ARID4B: variants seen among roughly 807,000 people sequenced by gnomAD.
ARID4B encodes AT-rich interactive domain-containing protein 4B.
A neutral mutation model predicts 147.5 loss-of-function variants in ARID4B; 26 were observed. The ratio of observed to expected loss-of-function variants is 0.18; its 90% confidence interval spans 0.13 to 0.24. The LOEUF is 0.24. Among genes scored for constraint, ARID4B ranks in the 10% least tolerant of loss-of-function variants. The pLI is 1.00. For missense variants in ARID4B, 1,179 were observed against 1,511.5 expected (o/e 0.78, Z 3.65); for synonymous variants, 512 against 507.9 (o/e 1.01, Z -0.11).
At chr1:235,286,628 A>G (rs1671992821) in intron 2 of ARID4B, among the ~76,000 whole-genome samples, 1 of 152,202 alleles carries the variant, frequency 6.6e-6, no homozygotes, top group Non-Finnish European at 1.5e-5. Flanking sequence ...GAGAAGAGCT[A>G]TAGTGCATGA....
intron 2 of ARID4B, among the ~76,000 whole-genome samples, chr1:235,286,633 G>C (rs1036662236): frequency 6.6e-6 from 1 of 152,164 alleles, no homozygotes; most frequent in Non-Finnish European, 1.5e-5. Context: ...GAGCTATAGT[G>C]CATGAGGAAA....
At chr1:235,315,838 CA>C (rs1377151444) in intron 2 of ARID4B, among the ~76,000 whole-genome samples, 1 of 151,970 alleles carries the variant, frequency 6.6e-6, no homozygotes, top group Non-Finnish European at 1.5e-5. Flanking sequence ...ATTGAATATG[CA>C]AAAGGTAAGA....
At chr1:235,316,826 CA>C (rs1447943844) in intron 2 of ARID4B, among the ~76,000 whole-genome samples, 1 of 151,658 alleles carries the variant, frequency 6.6e-6, no homozygotes, top group Non-Finnish European at 1.5e-5. Flanking sequence ...CTCAAACAAC[CA>C]AACAAAAAAA....
At chr1:235,191,503 G>A (rs1338113122) in intron 19 of ARID4B, among the ~76,000 whole-genome samples, 5 of 151,792 alleles carry the variant, frequency 3.3e-5, no homozygotes, top group African/African-American at 1.2e-4. Context: ...TAATCTGCCC[G>A]CCTTGGCCTC....
Position 235,170,642 on chromosome 1 carries a change from G to A in ARID4B, c.3811+1976C>T, listed in dbSNP as rs1322596138. 6.6e-5 allele frequency among the ~76,000 whole-genome samples: 10 copies of A among 152,182 alleles called. No individual in the cohort carries two copies. The East Asian group carries it at 1.9e-3, about 29-fold the overall frequency. The stretch of plus-strand genomic sequence containing the variant: ...AGTCCCAGCTACTAGAGAGGCTGAG[G>A]CAGGAGAATGGCGTGAACCCGGGAG... On this transcript the variant is annotated intron_variant, in intron 23 of 23. Coordinates refer to ENST00000264183, the MANE Select transcript of ARID4B (RefSeq NM_016374.6).
chr1:235,206,213 A>C (rs968826717), intron 17 of ARID4B, among the ~76,000 whole-genome samples: 8 of 152,220 alleles, frequency 5.3e-5, no homozygotes, highest in Non-Finnish European at 1.2e-4. Flanking sequence ...AATAGATATG[A>C]AACAGAAATT....
At chr1:235,312,226 C>A (rs1007888502) in intron 2 of ARID4B, among the ~76,000 whole-genome samples, 4 of 152,090 alleles carry the variant, frequency 2.6e-5, no homozygotes, top group African/African-American at 9.7e-5. Flanking sequence ...GCAGAGGTTG[C>A]AGTTAGCCAA....
chr1:235,323,103 C>T (rs1278592436), intron 2 of ARID4B, among the ~76,000 whole-genome samples: 4 of 150,614 alleles, frequency 2.7e-5, no homozygotes, highest in Non-Finnish European at 5.9e-5. Flanking sequence ...TGCAGTGGTG[C>T]CATCTCGACT....
intron 11 of ARID4B, among the ~76,000 whole-genome samples, chr1:235,225,837 G>T (rs374213950): frequency 6.6e-6 from 1 of 152,066 alleles, no homozygotes; most frequent in Non-Finnish European, 1.5e-5. Context: ...ACAAAGAAAG[G>T]TAATTTTTTT....
At chr1:235,323,904 T>C (rs1245978104) in intron 2 of ARID4B, among the ~76,000 whole-genome samples, 1 of 151,488 alleles carries the variant, frequency 6.6e-6, no homozygotes, top group African/African-American at 2.4e-5. Context: ...TTTATTTTAT[T>C]TAGTTTTTTT....
At position 235,213,826 on chromosome 1, in the gene ARID4B, G is replaced by C. The variant is rs755681504; in HGVS notation, c.1784C>G (p.Ser595Cys). The stretch of plus-strand genomic sequence containing the variant: ...AAGGACCTCTCCACCTTCGACATCA[G>C]AATCTTTAATACTAGCTTCATACAT... ...QKMYEASIKD[S>C]DVEGGEVLYL... Residue 595 changes from serine (S) to cysteine (C), a missense_variant, in exon 17 of 24, where the codon TCT (serine) becomes TGT (cysteine). Coordinates refer to ENST00000264183, the MANE Select transcript of ARID4B (RefSeq NM_016374.6). The C allele has an allele frequency of 1.9e-6, 3 of 1,613,894 alleles. No homozygotes were observed. The highest frequency in any genetic ancestry group is 3.3e-5 in the Admixed American group (2 of 59,982).
chr1:235,314,367 C>T (rs747442492), intron 2 of ARID4B, among the ~76,000 whole-genome samples: 2 of 152,124 alleles, frequency 1.3e-5, no homozygotes, highest in Non-Finnish European at 2.9e-5. Flanking sequence ...CACAACTTTA[C>T]AAGGTAGCTG....
chr1:235,175,435 G>A, intron 21 of ARID4B, 36 bp from the exon 22 acceptor site: 2 of 1,521,506 alleles, frequency 1.3e-6, no homozygotes, highest in South Asian at 1.2e-5. Context: ...AAACAAAAAT[G>A]TAACAATAAA....
chr1:235,310,455 A>G (rs894678032), intron 2 of ARID4B, among the ~76,000 whole-genome samples: 1 of 152,210 alleles, frequency 6.6e-6, no homozygotes, highest in Admixed American at 6.5e-5. Context: ...ATCACTCAAC[A>G]TCTTTACACC....
intron 8 of ARID4B, among the ~76,000 whole-genome samples, chr1:235,239,265 C>A (rs1466039800): frequency 6.6e-6 from 1 of 152,120 alleles, no homozygotes. Context: ...AGCCACCACA[C>A]CCCAGCCAAG....
intron 18 of ARID4B, among the ~76,000 whole-genome samples, chr1:235,194,948 T>C (rs1665393940): frequency 6.6e-6 from 1 of 152,116 alleles, no homozygotes; most frequent in Admixed American, 6.5e-5. Context: ...CCTACCTCAG[T>C]GATATATTAA....
At position 235,263,835 on chromosome 1, in the gene ARID4B, AT is replaced by A. The variant is rs1290890683; in HGVS notation, c.7-3084del. Among the ~76,000 whole-genome samples, 3 of 151,884 alleles carry A rather than the reference AT, an allele frequency of 2.0e-5. No homozygotes were observed. In the East Asian group the frequency reaches 5.8e-4, roughly 29 times the overall value. On this transcript the variant is annotated intron_variant, in intron 2 of 23. Coordinates refer to ENST00000264183, the MANE Select transcript of ARID4B (RefSeq NM_016374.6). ...ACCCCGTCTCTACTAAAAAAAAAAA[AT>A]ACAAAAAAATAGCTGGGCGTGGTGG...
chr1:235,230,765 A>C (rs1668165375), intron 10 of ARID4B, among the ~76,000 whole-genome samples: 1 of 151,934 alleles, frequency 6.6e-6, no homozygotes, highest in Non-Finnish European at 1.5e-5. Flanking sequence ...CTATTAAAAT[A>C]ACAAAAAATT....
intron 2 of ARID4B, among the ~76,000 whole-genome samples, chr1:235,313,852 A>C (rs1421445221): frequency 6.6e-6 from 1 of 152,194 alleles, no homozygotes; most frequent in Admixed American, 6.5e-5. Flanking sequence ...CCTTCTACTA[A>C]ACATTCTGTT....
Sources: allele counts gnomAD v4.1 joint callset (sites outside exome capture counted in the v4.1 genomes callset), GRCh38; gene constraint gnomAD v4.1.1; transcripts MANE v1.5; gene names NCBI Gene and HGNC (gene_info 2026-07-23, HGNC 2026-07-21).